PIK3CD: variants seen among roughly 807,000 people sequenced by gnomAD.
The protein encoded by PIK3CD is phosphatidylinositol-4,5-bisphosphate 3-kinase catalytic subunit delta.
A neutral mutation model predicts 122.9 loss-of-function variants in PIK3CD; 20 were observed. The observed-to-expected ratio is 0.16, with a 90% CI of 0.11 to 0.24. The LOEUF is 0.24. Ranked by LOEUF, PIK3CD falls within the 10% of genes least tolerant of loss-of-function variation. The pLI is 1.00. For missense variants in PIK3CD, 787 were observed against 1,406.3 expected (o/e 0.56, Z 7.04); for synonymous variants, 596 against 593.4 (o/e 1.00, Z -0.06).
chr1:9,720,955 A>T lies in PIK3CD; in HGVS notation c.1689+46A>T. On this transcript the variant is annotated intron_variant, in intron 13 of 23. Transcript: ENST00000377346. The surrounding 1 kb of genome is among the most constrained non-coding windows in gnomAD (Gnocchi z 9.0). ...GGGGGCGGAGCTGGGGGCAGACCAC[A>T]GCCTCTGGCTACCCACCACCCTGAC... The T allele has an allele frequency of 6.5e-7, 1 of 1,538,710 alleles. No individual in the cohort carries two copies. The highest frequency in any genetic ancestry group is 8.8e-7 in the Non-Finnish European group (1 of 1,138,996).
At chr1:9,657,428 C>T (rs897930493) in intron 1 of PIK3CD, among the ~76,000 whole-genome samples, 1 of 152,086 alleles carries the variant, frequency 6.6e-6, no homozygotes, top group Non-Finnish European at 1.5e-5. Context: ...AGGGAAGCCG[C>T]CCTGTTCTGC....
In PIK3CD at chr1:9,717,032, T is replaced by C. The variant is rs557471275; in HGVS notation, c.854T>C (p.Met285Thr). 1.2e-4 allele frequency: 197 copies of C among 1,613,854 alleles called. No homozygotes were observed. The highest frequency in any genetic ancestry group is 4.3e-4 in the Admixed American group (26 of 60,024). ...TMVHSSSILAMRDEQSNPAPQ... is the reference protein window; with the variant it reads ...TMVHSSSILATRDEQSNPAPQ... ...GTCCATTCCTCCTCCATCCTCGCCA[T>C]GCGGGATGAGCAGAGCAACCCTGCC... Residue 285 changes from methionine to threonine, a missense_variant, in exon 7 of 24, where the codon ATG (methionine) becomes ACG (threonine). Transcript: ENST00000377346. This position sits in a 1 kb window ranked among gnomAD's most constrained non-coding sequence, Gnocchi z 5.4.
intron 3 of PIK3CD, among the ~76,000 whole-genome samples, chr1:9,711,965 C>T (rs1017631952): frequency 6.6e-6 from 1 of 150,788 alleles, no homozygotes; most frequent in Non-Finnish European, 1.5e-5. Context: ...GGCGCCATCT[C>T]GGCTCGCTGC....
At position 9,722,396 on chromosome 1, in the gene PIK3CD, TG is replaced by T. The variant is rs963548915; in HGVS notation, c.2347+46del. 7.7e-6 allele frequency: 12 copies of T among 1,563,808 alleles called. No individual in the cohort carries two copies. The highest frequency in any genetic ancestry group is 1.1e-5 in the Non-Finnish European group (12 of 1,137,792). ...TCCCCACACCCCGCCTGTACTGCCC[TG>T]GGGGGTCCTGGGGTGCTCCTAGAGT... On this transcript the variant is annotated intron_variant, in intron 18 of 23. Coordinates refer to ENST00000377346, the MANE Select transcript of PIK3CD (RefSeq NM_005026.5). The surrounding 1 kb of genome is among the most constrained non-coding windows in gnomAD (Gnocchi z 7.6).
chr1:9,700,129 A>T lies in PIK3CD; in HGVS notation c.-33+8558A>T, dbSNP rs1163154687. On this transcript the variant is annotated intron_variant, in intron 2 of 23. Transcript: ENST00000377346. The surrounding 1 kb of genome is among the most constrained non-coding windows in gnomAD (Gnocchi z 5.1). ...CTTTTTAACTTTGTATTTAATTTTT[A>T]AATATTTATTTATTGATTTTTGAGA... 6.6e-6 allele frequency among the ~76,000 whole-genome samples: 1 copy of T among 152,086 alleles called. No individual in the cohort carries two copies. Among genetic ancestry groups the T allele is most frequent in the African/African-American group, 2.4e-5 (1 of 41,416 alleles).
the PIK3CD span, among the ~76,000 whole-genome samples, chr1:9,628,771 G>GT: frequency 6.6e-6 from 1 of 152,212 alleles, no homozygotes; most frequent in Middle Eastern, 3.2e-3. Context: ...GGGAAGAGCT[G>GT]GTGGCCAGGG....
rs955304812 is a variant in PIK3CD at position 9,652,527 on chromosome 1, C to T, written c.-138+725C>T. ...ATCAGCTCCGGATCTGCGGCCGAGC[C>T]GGGGTTACGCCGGCAAAACCGCCCC... On this transcript the variant is annotated intron_variant, in intron 1 of 23. Coordinates refer to ENST00000377346, the MANE Select transcript of PIK3CD (RefSeq NM_005026.5). This position sits in a 1 kb window ranked among gnomAD's most constrained non-coding sequence, Gnocchi z 6.2. 1 of 152,266 alleles carries T rather than the reference C, an allele frequency of 6.6e-6. No homozygotes were observed. Among genetic ancestry groups the T allele is most frequent in the Admixed American group, 6.5e-5 (1 of 15,286 alleles). 9.4% of individuals were successfully genotyped at this position (152,266 alleles called of 1,614,324 possible).
the PIK3CD span, among the ~76,000 whole-genome samples, chr1:9,630,564 G>T: frequency 1.3e-5 from 2 of 152,240 alleles, no homozygotes; most frequent in Non-Finnish European, 2.9e-5. Flanking sequence ...TGAGCGAATA[G>T]GCAATCATGG....
At chr1:9,645,162 AG>A in the PIK3CD span, among the ~76,000 whole-genome samples, 1 of 151,278 alleles carries the variant, frequency 6.6e-6, no homozygotes, top group African/African-American at 2.4e-5. Flanking sequence ...CTGGGATTAC[AG>A]GCACCCACCA....
intron 1 of PIK3CD, chr1:9,654,312 C>T: frequency 7.3e-7 from 1 of 1,367,754 alleles, no homozygotes; most frequent in Middle Eastern, 2.1e-4. Flanking sequence ...TCCACGCCGC[C>T]AGGTCTTTGC....
chr1:9,723,408 C>T lies in PIK3CD; in HGVS notation c.2594+116C>T. 3 of 1,124,950 alleles carry T rather than the reference C, an allele frequency of 2.7e-6. No individual in the cohort carries two copies. Among genetic ancestry groups the T allele is most frequent in the Non-Finnish European group, 2.7e-6 (2 of 745,794 alleles). 69.7% of individuals were successfully genotyped at this position (1,124,950 alleles called of 1,614,324 possible). ...GGGCCTCAGACCATCTTTGTGGCTA[C>T]TTGGCTCAGTTGAGGACCAGCCTGT... On this transcript the variant is annotated intron_variant, in intron 20 of 23. Coordinates refer to ENST00000377346, the MANE Select transcript of PIK3CD (RefSeq NM_005026.5). The surrounding 1 kb of genome is among the most constrained non-coding windows in gnomAD (Gnocchi z 4.9).
Position 9,723,353 on chromosome 1 carries a change from C to T in PIK3CD, c.2594+61C>T, listed in dbSNP as rs1648991060. ...TTCCAAGAGGTGTGGAGTGGGAGGG[C>T]CTCGCCTGTCAGAACAAAGGAGCGG... On this transcript the variant is annotated intron_variant, in intron 20 of 23. Transcript: ENST00000377346. This position sits in a 1 kb window ranked among gnomAD's most constrained non-coding sequence, Gnocchi z 4.9. The T allele has an allele frequency of 1.9e-6, 3 of 1,553,370 alleles. No individual in the cohort carries two copies. The highest frequency in any genetic ancestry group is 2.2e-5 in the South Asian group (2 of 89,780).
In PIK3CD at chr1:9,726,971, C is replaced by G; in HGVS notation, c.3060C>G (p.Asn1020Lys). ...TGAAGCACTTCCGAGTGAAGTTTAACGAAGCCCTCCGTGAGAGCTGGAAAA... is the reference window on the plus strand; with the variant it reads ...TGAAGCACTTCCGAGTGAAGTTTAAGGAAGCCCTCCGTGAGAGCTGGAAAA... ...EALKHFRVKF[N>K]EALRESWKTK... Residue 1020 changes from asparagine to lysine, a missense_variant, in exon 24 of 24, where the codon AAC becomes AAG. Physicochemically the swap from Asn to Lys is moderately conservative, Grantham distance 94. This residue lies in a region of PIK3CD where 60 missense variants were observed against 129.5 expected (regional missense o/e 0.46). Coordinates refer to ENST00000377346, the MANE Select transcript of PIK3CD (RefSeq NM_005026.5). The G allele has an allele frequency of 6.2e-7, 1 of 1,613,928 alleles. No individual in the cohort carries two copies. Among genetic ancestry groups the G allele is most frequent in the Non-Finnish European group, 8.5e-7 (1 of 1,179,926 alleles).
rs1570293729 is a variant in PIK3CD, at chr1:9,700,714, G to C, written c.-33+9143G>C. Among the ~76,000 whole-genome samples, 1 of 152,102 alleles carries C rather than the reference G, an allele frequency of 6.6e-6. No individual in the cohort carries two copies. On this transcript the variant is annotated intron_variant, in intron 2 of 23. Coordinates refer to ENST00000377346, the MANE Select transcript of PIK3CD (RefSeq NM_005026.5). The surrounding 1 kb of genome is among the most constrained non-coding windows in gnomAD (Gnocchi z 5.1). ...CCCACCTGGGGAGTTTGCCCCTGGC[G>C]GTCTTTACGTGGCTATTCATTAAGC...
chr1:9,705,059 CA>C lies in PIK3CD; in HGVS notation c.-32-5363del, dbSNP rs541965105. On this transcript the variant is annotated intron_variant, in intron 2 of 23. Coordinates refer to ENST00000377346, the MANE Select transcript of PIK3CD (RefSeq NM_005026.5). The stretch of plus-strand genomic sequence containing the variant: ...AAATATTTCTTTTCAACTGTTTTTA[CA>C]AGTCTTTAAAATCCAAGAGAATGTG... Among the ~76,000 whole-genome samples, 106 of 152,322 alleles carry C rather than the reference CA, an allele frequency of 7.0e-4. No homozygotes were observed. The Middle Eastern group carries it at 0.01, about 15-fold the overall frequency.
chr1:9,683,629 T>A (rs538895368), intron 1 of PIK3CD, among the ~76,000 whole-genome samples: 1 of 152,120 alleles, frequency 6.6e-6, no homozygotes, highest in East Asian at 1.9e-4. Flanking sequence ...AACTATTTAG[T>A]GGGGTTGTTT....
intron 1 of PIK3CD, among the ~76,000 whole-genome samples, chr1:9,685,068 A>G (rs570754220): frequency 1.3e-5 from 2 of 152,252 alleles, no homozygotes; most frequent in East Asian, 3.9e-4. Flanking sequence ...TTAACTACAG[A>G]TGAGCCACTT....
In PIK3CD at chr1:9,655,961, C is replaced by T. The variant is rs542826252; in HGVS notation, c.-138+4159C>T. Among the ~76,000 whole-genome samples, 328 of 152,212 alleles carry T rather than the reference C, an allele frequency of 2.2e-3. 3 individuals carry two copies. Among genetic ancestry groups the T allele is most frequent in the Non-Finnish European group, 3.8e-3 (255 of 67,998 alleles). ...ATCTGCCCACCTTGGCCTCCCAGAG[C>T]GCTAGGATTAAAGGCGTGAGCCACC... On this transcript the variant is annotated intron_variant, in intron 1 of 23. Transcript: ENST00000377346.
At chr1:9,643,339 T>C in the PIK3CD span, among the ~76,000 whole-genome samples, 5 of 149,078 alleles carry the variant, frequency 3.4e-5, no homozygotes, top group Non-Finnish European at 5.9e-5. Flanking sequence ...ACCTGGGAGA[T>C]GGAGGTTGCA....
Sources: gnomAD v4.1 joint callset for allele counts (sites outside exome capture counted in the v4.1 genomes callset) on GRCh38, gnomAD v4.1.1 for gene constraint, gnomAD v4.1.1 regional missense constraint, Gnocchi (gnomAD v3.1) non-coding constraint, MANE v1.5 for transcripts, NCBI Gene and HGNC (gene_info 2026-07-23, HGNC 2026-07-21) for gene names.